SCUBE2: variants seen among roughly 807,000 people sequenced by gnomAD.
SCUBE2 encodes signal peptide, CUB and EGF-like domain-containing protein 2.
SCUBE2 carries 114 observed loss-of-function variants against 125.9 expected under a neutral mutation model. That is an observed-to-expected ratio of 0.91 (90% CI 0.78 to 1.06). The LOEUF (loss-of-function observed/expected upper bound fraction) is 1.06. Among genes scored for constraint, SCUBE2 ranks in the 50% least tolerant of loss-of-function variants. The probability of loss-of-function intolerance (pLI) is 0.00; values close to 1 mark genes in which losing one functional copy is unlikely to be tolerated. For missense variants in SCUBE2, 1,255 were observed against 1,301.8 expected (o/e 0.96, Z 0.55); for synonymous variants, 459 against 492.9 (o/e 0.93, Z 0.91).
intron 4 of SCUBE2, among the ~76,000 whole-genome samples, chr11:9,074,241 T>C (rs1861032440): frequency 6.6e-6 from 1 of 152,106 alleles, no homozygotes; most frequent in South Asian, 2.1e-4. Context: ...AATCAGAAAA[T>C]GTGAGAGTTT....
chr11:9,025,093 G>A (rs1389075609), intron 21 of SCUBE2, among the ~76,000 whole-genome samples: 1 of 152,204 alleles, frequency 6.6e-6, no homozygotes, highest in African/African-American at 2.4e-5. Context: ...CCAAGTCTCA[G>A]AGCTAGGTAG....
intron 16 of SCUBE2, among the ~76,000 whole-genome samples, chr11:9,037,322 G>A (rs1376708986): frequency 6.6e-6 from 1 of 152,192 alleles, no homozygotes; most frequent in African/African-American, 2.4e-5. Context: ...ATCCCACACA[G>A]CTGTTTTTTC....
At chr11:9,031,086 C>G (rs1856261983) in intron 17 of SCUBE2, 161 bp from the exon 18 acceptor site, 2 of 627,690 alleles carry the variant, frequency 3.2e-6, no homozygotes, top group East Asian at 5.6e-5. Context: ...GCTTCTGACC[C>G]TGAGTCAATG....
At chr11:9,074,122 T>C (rs1668282205) in intron 4 of SCUBE2, among the ~76,000 whole-genome samples, 1 of 152,208 alleles carries the variant, frequency 6.6e-6, no homozygotes, top group African/African-American at 2.4e-5. Context: ...AGCAGGCTCA[T>C]ACTGGTGCTG....
In SCUBE2 at chr11:9,047,440, C is replaced by T. The variant is rs765183113; in HGVS notation, c.1918G>A (p.Asp640Asn). The T allele has an allele frequency of 1.9e-5, 31 of 1,613,968 alleles. No homozygotes were observed. In the Middle Eastern group the frequency reaches 8.2e-4, roughly 43 times the overall value. ...FHLQLSGMNL[D>N]VAKKPPRTSE... ...GTTCTGGGAGGCTTTTTAGCCACGTCGAGGTTCATGCCTGAGAGCTGGAGG... is the reference window on the plus strand; with the variant it reads ...GTTCTGGGAGGCTTTTTAGCCACGTTGAGGTTCATGCCTGAGAGCTGGAGG... The change falls in exon 16 of 23, where the codon GAC becomes AAC. Residue 640 changes from aspartate (D) to asparagine (N), a missense_variant. By Grantham distance (23) the Asp-to-Asn change is conservative. Around this residue, in one of 3 missense-constraint regions of SCUBE2, gnomAD observed 515 missense variants for 515.7 expected, o/e 1.00. Coordinates refer to ENST00000649792, the MANE Select transcript of SCUBE2 (RefSeq NM_001367977.2).
intron 13 of SCUBE2, among the ~76,000 whole-genome samples, chr11:9,052,030 C>A (rs1858467051): frequency 6.6e-6 from 1 of 152,224 alleles, no homozygotes; most frequent in Admixed American, 6.5e-5. Flanking sequence ...AGTTATTTCA[C>A]CTCTCTGAGC....
At chr11:9,089,602 A>G in intron 2 of SCUBE2, 105 bp downstream of exon 2, 5 of 1,274,818 alleles carry the variant, frequency 3.9e-6, no homozygotes, top group South Asian at 1.5e-5. Context: ...GCTGGGGGAA[A>G]GGGAGAGGAG....
chr11:9,059,567 G>T, intron 8 of SCUBE2, 142 bp from the exon 9 acceptor site: 1 of 1,098,814 alleles, frequency 9.1e-7, no homozygotes, highest in Non-Finnish European at 1.3e-6. Context: ...GTTTGCTGAT[G>T]TTTTTAACCT....
chr11:9,060,690 C>T (rs72547302), intron 7 of SCUBE2, among the ~76,000 whole-genome samples, 166 bp from the exon 8 acceptor site: 61 of 152,244 alleles, frequency 4.0e-4, no homozygotes, highest in Admixed American at 7.8e-4. Flanking sequence ...CCTCCCACCC[C>T]CCTAAATGAG....
At chr11:9,074,422 G>T (rs759686608) in intron 4 of SCUBE2, 59 bp downstream of exon 4, 1 of 1,596,154 alleles carries the variant, frequency 6.3e-7, no homozygotes, top group East Asian at 2.2e-5. Context: ...GTGTGTGCGC[G>T]TGCAAGGGAG....
chr11:9,054,715 A>ATC, intron 10 of SCUBE2, among the ~76,000 whole-genome samples: 1 of 67,594 alleles, frequency 1.5e-5, no homozygotes, highest in Middle Eastern at 6.7e-3. Flanking sequence ...ATATATATAT[A>ATC]TATATATATA....
intron 22 of SCUBE2, among the ~76,000 whole-genome samples, 189 bp from the exon 23 acceptor site, chr11:9,021,386 A>C (rs1364203425): frequency 2.0e-5 from 3 of 152,012 alleles, no homozygotes; most frequent in Non-Finnish European, 4.4e-5. Flanking sequence ...AAGAAGTATG[A>C]ATTACTTTTA....
chr11:9,062,413 T>C (rs12287711), intron 7 of SCUBE2, among the ~76,000 whole-genome samples: 60,612 of 152,116 alleles, frequency 0.4, 13,822 homozygotes, highest in African/African-American at 0.64. Context: ...GAAATGGCTA[T>C]GTCACTGCCT....
intron 4 of SCUBE2, among the ~76,000 whole-genome samples, chr11:9,070,888 C>T (rs922287069): frequency 2.0e-5 from 3 of 152,240 alleles, no homozygotes; most frequent in Non-Finnish European, 2.9e-5. Context: ...TTATGAGCTG[C>T]CTGCACTCCA....
chr11:9,029,167 T>C (rs1435738151), intron 19 of SCUBE2, among the ~76,000 whole-genome samples: 1 of 152,128 alleles, frequency 6.6e-6, no homozygotes, highest in Non-Finnish European at 1.5e-5. Flanking sequence ...AATAGTGGCT[T>C]TAAAAAAAAA....
chr11:9,053,990 C>CTTTTT (rs11474890), intron 10 of SCUBE2, among the ~76,000 whole-genome samples: 8 of 75,040 alleles, frequency 1.1e-4, no homozygotes, highest in South Asian at 5.1e-4. Flanking sequence ...AAGCTCCACT[C>CTTTTT]TTTTTTTTTT....
rs1297967773 is a variant in SCUBE2 at position 9,027,796 on chromosome 11, C to G, written c.2504-235G>C. Among the ~76,000 whole-genome samples the G allele has an allele frequency of 2.0e-5, 3 of 151,982 alleles. No homozygotes were observed. In the East Asian group the frequency reaches 5.8e-4, roughly 29 times the overall value. ...CTGAGGCACTGTTTTCTCATTAGCC[C>G]GAAAGTGTTCACGGTCAGGGCAGGT... On this transcript the variant is annotated intron_variant, in intron 19 of 22. Transcript: ENST00000649792.
chr11:9,021,191 T>C lies in SCUBE2; in HGVS notation c.2941A>G (p.Lys981Glu), dbSNP rs762836433. 2 of 1,565,158 alleles carry C rather than the reference T, an allele frequency of 1.3e-6. No individual in the cohort carries two copies. The highest frequency in any genetic ancestry group is 1.7e-6 in the Non-Finnish European group (2 of 1,159,124). The change falls in exon 23 of 23, where the codon AAA becomes GAA. Residue 981 changes from lysine to glutamate, a missense_variant. By Grantham distance (56) the Lys-to-Glu change is moderately conservative. Transcript: ENST00000649792. Reference protein sequence around the residue: ...ENHQEILKDKKLIKALFDVLA... With the variant: ...ENHQEILKDKELIKALFDVLA... ...ACATCAAACAGAGCCTTGATAAGTT[T>C]CTTATCCTAAAAAGAACAGAATTTT...
intron 1 of SCUBE2, among the ~76,000 whole-genome samples, chr11:9,090,883 G>A (rs1013023696): frequency 6.6e-6 from 1 of 152,212 alleles, no homozygotes; most frequent in Admixed American, 6.5e-5. Context: ...TGAAAACCTA[G>A]GCTTGTTGCT....
Sources: gnomAD v4.1 joint callset for allele counts (sites outside exome capture counted in the v4.1 genomes callset) on GRCh38, gnomAD v4.1.1 for gene constraint, gnomAD v4.1.1 regional missense constraint, MANE v1.5 for transcripts, NCBI Gene and HGNC (gene_info 2026-07-23, HGNC 2026-07-21) for gene names.